Variants in RFWD3 observed in about 807,000 individuals in gnomAD.
The protein encoded by RFWD3 is E3 ubiquitin-protein ligase RFWD3.
RFWD3 carries 65 observed loss-of-function variants against 87.7 expected under a neutral mutation model. That is an observed-to-expected ratio of 0.74 (90% confidence interval 0.61 to 0.91). The LOEUF (loss-of-function observed/expected upper bound fraction) is 0.91, where lower values mean the gene tolerates loss of function less well. Among genes scored for constraint, RFWD3 ranks in the 40% least tolerant of loss-of-function variants. The probability of loss-of-function intolerance (pLI) is 0.00; values close to 1 mark genes in which losing one functional copy is unlikely to be tolerated. For missense variants in RFWD3, 1,078 were observed against 938.5 expected (o/e 1.15, Z -1.94); for synonymous variants, 433 against 352.8 (o/e 1.23, Z -2.55).
chr16:74,659,382 A>G (rs1961252004), intron 2 of RFWD3, among the ~76,000 whole-genome samples: 1 of 152,144 alleles, frequency 6.6e-6, no homozygotes, highest in East Asian at 1.9e-4. Context: ...CACCTATAAC[A>G]CAAATGTATG....
chr16:74,663,200 G>A (rs1444398138), intron 1 of RFWD3, among the ~76,000 whole-genome samples: 4 of 152,078 alleles, frequency 2.6e-5, no homozygotes, highest in South Asian at 2.1e-4. Flanking sequence ...CACCGCGCCC[G>A]GCCAATACTC....
At position 74,623,745 on chromosome 16, in the gene RFWD3, A is replaced by G; in HGVS notation, c.*183T>C. Reference sequence around the variant, plus strand: ...CCCATCAATTACTCTTTTAGTGGACATAACAGATACACAATCTGTAGTGTC... The same window carrying G: ...CCCATCAATTACTCTTTTAGTGGACGTAACAGATACACAATCTGTAGTGTC... On this transcript the variant is annotated 3_prime_UTR_variant, in exon 13 of 13. Coordinates refer to ENST00000361070, the MANE Select transcript of RFWD3 (RefSeq NM_018124.4). The G allele has an allele frequency of 5.1e-6, 3 of 591,826 alleles. No homozygotes were observed. Among genetic ancestry groups the G allele is most frequent in the South Asian group, 4.6e-5 (2 of 43,780 alleles). The allele number at this position is 591,826 out of a possible 1,614,324, so 36.7% of individuals were successfully genotyped here. A position where few individuals can be genotyped will look rare whatever the true frequency, so the allele number is the denominator to read the frequency against.
chr16:74,652,067 G>A lies in RFWD3; in HGVS notation c.574C>T (p.Pro192Ser), dbSNP rs1286491931. The change falls in exon 3 of 13, where the codon CCA (proline) becomes TCA (serine). Residue 192 changes from proline (P) to serine (S), a missense_variant. Transcript: ENST00000361070. Reference protein sequence around the residue: ...FQVSRTQPDLPATTYDSETRN... With the variant: ...FQVSRTQPDLSATTYDSETRN... ...GTCTCTGAATCATAAGTGGTAGCTG[G>A]CAAGTCAGGCTGGGTCCTGCTCACC... 1 of 1,613,972 alleles carries A rather than the reference G, an allele frequency of 6.2e-7. No individual in the cohort carries two copies. The highest frequency in any genetic ancestry group is 8.5e-7 in the Non-Finnish European group (1 of 1,180,038).
Position 74,625,553 on chromosome 16 carries a change from G to A in RFWD3, c.2181+790C>T, listed in dbSNP as rs113940212. Among the ~76,000 whole-genome samples, 72 of 150,626 alleles carry A rather than the reference G, an allele frequency of 4.8e-4. No individual in the cohort carries two copies. The East Asian group carries it at 0.013, about 26-fold the overall frequency. ...GGACAGACCAGGCGCAATGGCTCAC[G>A]CCTATAATCCAACCTTTTTTCTTCT... On this transcript the variant is annotated intron_variant, in intron 12 of 12. Transcript: ENST00000361070.
At chr16:74,632,414 C>A in intron 9 of RFWD3, 109 bp downstream of exon 9, 2 of 1,267,710 alleles carry the variant, frequency 1.6e-6, no homozygotes, top group East Asian at 2.4e-5. Context: ...CAAAACAAAA[C>A]AACAACAACA....
chr16:74,664,085 G>C (rs1961683352), intron 1 of RFWD3, among the ~76,000 whole-genome samples: 1 of 152,184 alleles, frequency 6.6e-6, no homozygotes, highest in African/African-American at 2.4e-5. Flanking sequence ...GGGAAAGAAA[G>C]TCTGCAAACT....
rs192891671 is a variant in RFWD3 at position 74,651,802 on chromosome 16, C to T, written c.721+118G>A. On this transcript the variant is annotated intron_variant, in intron 3 of 12. Transcript: ENST00000361070. ...GGCTCTATACTATAAAACAGGAATC[C>T]ACAACATTTAGGGGAGAAAAGGGAA... 28 of 875,592 alleles carry T rather than the reference C, an allele frequency of 3.2e-5. No individual in the cohort carries two copies. The African/African-American group carries it at 4.5e-4, about 14-fold the overall frequency. The allele number at this position is 875,592 out of a possible 1,614,324, so 54.2% of individuals were successfully genotyped here. A position where few individuals can be genotyped will look rare whatever the true frequency, so the allele number is the denominator to read the frequency against.
chr16:74,631,290 C>T (rs1959085696), intron 9 of RFWD3, among the ~76,000 whole-genome samples: 1 of 152,096 alleles, frequency 6.6e-6, no homozygotes, highest in Non-Finnish European at 1.5e-5. Flanking sequence ...TTGAGACCAG[C>T]CTGGCCAACA....
intron 8 of RFWD3, among the ~76,000 whole-genome samples, chr16:74,634,876 T>C (rs555122319): frequency 1.4e-4 from 22 of 151,824 alleles, no homozygotes; most frequent in Non-Finnish European, 2.9e-4. Context: ...GCATGGTGGC[T>C]CATGCCTGTA....
At chr16:74,665,835 C>A (rs996205924) in intron 1 of RFWD3, among the ~76,000 whole-genome samples, 5 of 151,992 alleles carry the variant, frequency 3.3e-5, no homozygotes, top group Non-Finnish European at 7.4e-5. Context: ...CAACCTCGGC[C>A]TCCCGGGTTC....
chr16:74,665,747 TC>T (rs1555529717), intron 1 of RFWD3, among the ~76,000 whole-genome samples: 3 of 135,458 alleles, frequency 2.2e-5, no homozygotes, highest in Admixed American at 1.6e-4. Context: ...TTTCTTTCTT[TC>T]TTTCTTTCTT....
chr16:74,629,419 G>A (rs776841919), intron 10 of RFWD3, among the ~76,000 whole-genome samples: 1 of 152,228 alleles, frequency 6.6e-6, no homozygotes, highest in Non-Finnish European at 1.5e-5. Flanking sequence ...AGCACTTCGG[G>A]AAGCCGAGGT....
At chr16:74,647,614 T>C (rs1238119880) in intron 4 of RFWD3, among the ~76,000 whole-genome samples, 1 of 151,250 alleles carries the variant, frequency 6.6e-6, no homozygotes, top group Non-Finnish European at 1.5e-5. Context: ...TTCTTTGAGA[T>C]GAAGTCGTGC....
At chr16:74,662,542 G>C (rs1567589333) in intron 1 of RFWD3, among the ~76,000 whole-genome samples, 1 of 152,192 alleles carries the variant, frequency 6.6e-6, no homozygotes, top group Non-Finnish European at 1.5e-5. Context: ...GACCAACTAA[G>C]ACACAATTGT....
At chr16:74,665,309 A>AGGCGCGGT (rs1340015012) in intron 1 of RFWD3, 1 of 152,512 alleles carries the variant, frequency 6.6e-6, no homozygotes, top group Non-Finnish European at 1.5e-5. Context: ...AGAACAGGTC[A>AGGCGCGGT]GGCGCGGTGG....
intron 11 of RFWD3, among the ~76,000 whole-genome samples, chr16:74,627,140 G>C (rs1452036051): frequency 1.3e-5 from 2 of 152,126 alleles, no homozygotes; most frequent in Non-Finnish European, 2.9e-5. Flanking sequence ...AGTGGTACTG[G>C]GATGTTTCTC....
chr16:74,634,168 G>A (rs1470691130), intron 8 of RFWD3, among the ~76,000 whole-genome samples: 1 of 151,926 alleles, frequency 6.6e-6, no homozygotes, highest in East Asian at 1.9e-4. Context: ...GATGCAGAAG[G>A]AATAGTGAAC....
chr16:74,663,095 G>A lies in RFWD3; in HGVS notation c.-2-1644C>T, dbSNP rs538718306. 1.6e-4 allele frequency among the ~76,000 whole-genome samples: 24 copies of A among 152,024 alleles called. No homozygotes were observed. In the South Asian group the frequency reaches 4.6e-3, roughly 29 times the overall value. On this transcript the variant is annotated intron_variant, in intron 1 of 12. Coordinates refer to ENST00000361070, the MANE Select transcript of RFWD3 (RefSeq NM_018124.4). Reference sequence around the variant, plus strand: ...AATTTTTTGTATTTTTAGTACAGCCGGGGTTTCACTGTGTTAGCCAGGATG... The same window carrying A: ...AATTTTTTGTATTTTTAGTACAGCCAGGGTTTCACTGTGTTAGCCAGGATG...
intron 6 of RFWD3, among the ~76,000 whole-genome samples, chr16:74,639,126 C>A (rs943878423): frequency 6.6e-6 from 1 of 151,666 alleles, no homozygotes; most frequent in Non-Finnish European, 1.5e-5. Flanking sequence ...GCTACCTCCG[C>A]CCCCCGGGTT....
Sources: allele counts gnomAD v4.1 joint callset (sites outside exome capture counted in the v4.1 genomes callset), GRCh38; gene constraint gnomAD v4.1.1; transcripts MANE v1.5; gene names NCBI Gene and HGNC (gene_info 2026-07-23, HGNC 2026-07-21).